The following MEIOB variants were observed in gnomAD, a reference collection of about 807,000 sequenced individuals.
The protein encoded by MEIOB is meiosis-specific with OB domain-containing protein.
Under a neutral mutation model 53.1 loss-of-function variants are expected in MEIOB, and 50 were observed. That is an observed-to-expected ratio of 0.94 (90% confidence interval 0.75 to 1.19). The LOEUF (loss-of-function observed/expected upper bound fraction) is 1.19. MEIOB is among the 50% of genes most tolerant of loss of function. MEIOB has a pLI of 0.00. For synonymous variants in MEIOB, 192 were observed against 182.5 expected, an observed-to-expected ratio of 1.05 and a Z score of -0.42; for missense variants, 551 against 550.8, an observed-to-expected ratio of 1.00 and a Z score of 0.00.
At chr16:1,834,792 G>A (rs1479094214) in intron 13 of MEIOB, among the ~76,000 whole-genome samples, 6 of 151,950 alleles carry the variant, frequency 3.9e-5, no homozygotes, top group African/African-American at 1.2e-4. Context: ...AAAATTAGCC[G>A]GGCATGGTGG....
At chr16:1,868,905 A>C (rs1899662294) in intron 1 of MEIOB, among the ~76,000 whole-genome samples, 1 of 152,078 alleles carries the variant, frequency 6.6e-6, no homozygotes, top group Non-Finnish European at 1.5e-5. Flanking sequence ...AAAGCACTGG[A>C]TAGTTTACTG....
intron 9 of MEIOB, among the ~76,000 whole-genome samples, chr16:1,847,684 T>G (rs900772543): frequency 2.0e-5 from 3 of 152,050 alleles, no homozygotes; most frequent in African/African-American, 7.2e-5. Context: ...TACTTTAATA[T>G]GACCTACTGA....
chr16:1,848,700 C>T (rs1473896504), intron 9 of MEIOB, among the ~76,000 whole-genome samples: 1 of 151,916 alleles, frequency 6.6e-6, no homozygotes, highest in Non-Finnish European at 1.5e-5. Flanking sequence ...CATACCACCA[C>T]GCCCGGCTAA....
intron 12 of MEIOB, among the ~76,000 whole-genome samples, chr16:1,838,613 G>C (rs1193255071): frequency 1.3e-5 from 2 of 152,068 alleles, no homozygotes; most frequent in African/African-American, 4.8e-5. Flanking sequence ...ACCACCTTAT[G>C]ACTGATCAAC....
At chr16:1,840,694 G>A (rs998747899) in intron 11 of MEIOB, among the ~76,000 whole-genome samples, 13 of 151,916 alleles carry the variant, frequency 8.6e-5, no homozygotes, top group Admixed American at 2.0e-4. Flanking sequence ...GACTACAGGC[G>A]CCCACCACCA....
At chr16:1,858,154 T>C (rs1298297491) in intron 5 of MEIOB, among the ~76,000 whole-genome samples, 1 of 152,194 alleles carries the variant, frequency 6.6e-6, no homozygotes, top group Non-Finnish European at 1.5e-5. Flanking sequence ...GTTCTAAACA[T>C]ACCATTTGTC....
At chr16:1,854,919 G>A (rs1459887677) in intron 6 of MEIOB, among the ~76,000 whole-genome samples, 1 of 151,970 alleles carries the variant, frequency 6.6e-6, no homozygotes, top group East Asian at 1.9e-4. Flanking sequence ...ACCTCTGAGA[G>A]ATGCACAGCA....
chr16:1,846,852 T>C (rs1043931895), intron 9 of MEIOB, among the ~76,000 whole-genome samples: 12 of 152,028 alleles, frequency 7.9e-5, no homozygotes, highest in African/African-American at 2.4e-4. Flanking sequence ...CTAATGCATG[T>C]GGGGCTTAAA....
intron 3 of MEIOB, among the ~76,000 whole-genome samples, chr16:1,864,757 G>C (rs1443352135): frequency 2.0e-5 from 3 of 151,846 alleles, no homozygotes; most frequent in African/African-American, 7.3e-5. Context: ...CAAACTGCTG[G>C]GATTACAGGC....
chr16:1,836,879 CAGTACAGCAAGT>C (rs1250689146), intron 13 of MEIOB, among the ~76,000 whole-genome samples: 15 of 152,140 alleles, frequency 9.9e-5, no homozygotes, highest in Admixed American at 9.8e-4. Flanking sequence ...TATTAAGCTG[CAGTACAGCAAGT>C]ATCAGTAGAT....
At chr16:1,859,058 T>C (rs1479097689) in intron 5 of MEIOB, among the ~76,000 whole-genome samples, 1 of 152,128 alleles carries the variant, frequency 6.6e-6, no homozygotes, top group Non-Finnish European at 1.5e-5. Flanking sequence ...AATCAAACAA[T>C]CTCAGACGGT....
chr16:1,855,335 G>C (rs1899272927), intron 6 of MEIOB, among the ~76,000 whole-genome samples: 1 of 152,164 alleles, frequency 6.6e-6, no homozygotes, highest in Non-Finnish European at 1.5e-5. Context: ...GGGAGGCTGA[G>C]GCAGGAGAAT....
intron 1 of MEIOB, among the ~76,000 whole-genome samples, chr16:1,871,409 CGG>C: frequency 1.8e-5 from 2 of 114,102 alleles, no homozygotes; most frequent in East Asian, 2.5e-4. Flanking sequence ...TTAGTAGAGA[CGG>C]GGTTTCACCG....
intron 12 of MEIOB, 22 bp downstream of exon 12, chr16:1,839,233 T>G: frequency 1.9e-6 from 3 of 1,555,116 alleles, no homozygotes; most frequent in Non-Finnish European, 2.6e-6. Context: ...ATTCTAAACA[T>G]TTCTTCCTTT....
At chr16:1,859,050 T>C (rs1263167982) in intron 5 of MEIOB, among the ~76,000 whole-genome samples, 1 of 152,076 alleles carries the variant, frequency 6.6e-6, no homozygotes, top group African/African-American at 2.4e-5. Flanking sequence ...GAACAATGAA[T>C]CAAACAATCT....
chr16:1,862,616 T>A (rs1007447636), intron 3 of MEIOB, among the ~76,000 whole-genome samples: 1 of 152,006 alleles, frequency 6.6e-6, no homozygotes, highest in Non-Finnish European at 1.5e-5. Flanking sequence ...CAAGACCCCG[T>A]CCCAAAAATA....
Position 1,858,896 on chromosome 16 carries a change from T to A in MEIOB, c.333-966A>T, listed in dbSNP as rs973917715. ...CCCTCTACCAAGAATATTCTCTCCA[T>A]CTAACCATCCATCCATCACTTCCAT... On this transcript the variant is annotated intron_variant, in intron 5 of 13. Transcript: ENST00000325962. Among the ~76,000 whole-genome samples, 3 of 152,212 alleles carry A rather than the reference T, an allele frequency of 2.0e-5. No individual in the cohort carries two copies. The East Asian group carries it at 5.8e-4, about 29-fold the overall frequency.
chr16:1,844,490 G>A, intron 10 of MEIOB, among the ~76,000 whole-genome samples: 1 of 151,456 alleles, frequency 6.6e-6, no homozygotes, highest in East Asian at 1.9e-4. Flanking sequence ...CTGACACCCA[G>A]GCTGGAGTGT....
chr16:1,861,445 A>G (rs1463816429), intron 4 of MEIOB, among the ~76,000 whole-genome samples: 5 of 152,164 alleles, frequency 3.3e-5, no homozygotes, highest in Non-Finnish European at 5.9e-5. Context: ...GAAATATGTA[A>G]TAAACCAAAG....
Sources: gnomAD v4.1 joint callset for allele counts (sites outside exome capture counted in the v4.1 genomes callset) on GRCh38, gnomAD v4.1.1 for gene constraint, MANE v1.5 for transcripts, NCBI Gene and HGNC (gene_info 2026-07-23, HGNC 2026-07-21) for gene names.